The following PDE6D variants were observed in gnomAD, a reference collection of about 807,000 sequenced individuals.
PDE6D encodes retinal rod rhodopsin-sensitive cGMP 3',5'-cyclic phosphodiesterase subunit delta.
A neutral mutation model predicts 21.9 loss-of-function variants in PDE6D; 10 were observed. The observed-to-expected ratio is 0.46, with a 90% confidence interval of 0.28 to 0.78. The LOEUF (loss-of-function observed/expected upper bound fraction) is 0.78, where lower values mean the gene tolerates loss of function less well. Among genes scored for constraint, PDE6D ranks in the 30% least tolerant of loss-of-function variants. PDE6D has a pLI of 0.12. For synonymous variants in PDE6D, 59 were observed against 63.5 expected (o/e 0.93, Z 0.34); for missense variants, 139 against 184.8 (o/e 0.75, Z 1.44).
chr2:231,741,579 G>A (rs907176798), intron 1 of PDE6D, among the ~76,000 whole-genome samples: 1 of 152,154 alleles, frequency 6.6e-6, no homozygotes. Flanking sequence ...ACAAAGCTCA[G>A]GAAGAGATTT....
intron 1 of PDE6D, among the ~76,000 whole-genome samples, chr2:231,776,841 T>C (rs2049061612): frequency 6.6e-6 from 1 of 152,214 alleles, no homozygotes; most frequent in Non-Finnish European, 1.5e-5. Flanking sequence ...CAAGTAACAT[T>C]TCATTCATAA....
intron 1 of PDE6D, among the ~76,000 whole-genome samples, chr2:231,748,480 A>T (rs1419464393): frequency 6.6e-6 from 1 of 152,214 alleles, no homozygotes; most frequent in Non-Finnish European, 1.5e-5. Context: ...TCAGTTTTAT[A>T]AGGAAAGCAG....
intron 1 of PDE6D, among the ~76,000 whole-genome samples, chr2:231,768,190 T>C (rs534447301): frequency 9.8e-4 from 150 of 152,298 alleles, no homozygotes; most frequent in African/African-American, 3.5e-3. Context: ...TAAGGTATCA[T>C]GGGACTCTCA....
At chr2:231,737,560 A>G (rs1425886738) in intron 3 of PDE6D, 1 of 377,558 alleles carries the variant, frequency 2.6e-6, no homozygotes. Context: ...ATTTTCTTAG[A>G]GGTAGGCTAG....
chr2:231,769,895 T>A lies in PDE6D; in HGVS notation c.50+11170A>T, dbSNP rs181934926. On this transcript the variant is annotated intron_variant, in intron 1 of 4. Coordinates refer to ENST00000287600, the MANE Select transcript of PDE6D (RefSeq NM_002601.4). ...ACACTCTGTAACAGGAACCCTCGAGTTGGTTCTATAAGCTACCCACAATAT... is the reference window on the plus strand; with the variant it reads ...ACACTCTGTAACAGGAACCCTCGAGATGGTTCTATAAGCTACCCACAATAT... Among the ~76,000 whole-genome samples the A allele has an allele frequency of 2.2e-3, 328 of 152,178 alleles. 2 individuals are homozygous for A. Among genetic ancestry groups the A allele is most frequent in the Non-Finnish European group, 3.2e-3 (215 of 67,984 alleles).
At chr2:231,740,167 G>A (rs1045491434) in intron 1 of PDE6D, among the ~76,000 whole-genome samples, 1 of 152,210 alleles carries the variant, frequency 6.6e-6, no homozygotes, top group South Asian at 2.1e-4. Flanking sequence ...CTGGTTAACT[G>A]ATGTTCTCTG....
At chr2:231,768,932 G>A (rs962497278) in intron 1 of PDE6D, among the ~76,000 whole-genome samples, 1 of 151,798 alleles carries the variant, frequency 6.6e-6, no homozygotes, top group Non-Finnish European at 1.5e-5. Flanking sequence ...GCAATGGCAC[G>A]ATCTCACCTC....
intron 1 of PDE6D, among the ~76,000 whole-genome samples, chr2:231,757,117 C>T (rs1043160807): frequency 4.6e-5 from 7 of 151,854 alleles, no homozygotes; most frequent in African/African-American, 1.7e-4. Context: ...TGCCACCACA[C>T]CTGGCTAATT....
chr2:231,748,877 G>A (rs367612681), intron 1 of PDE6D, among the ~76,000 whole-genome samples: 1 of 152,238 alleles, frequency 6.6e-6, no homozygotes, highest in Non-Finnish European at 1.5e-5. Flanking sequence ...CGGGTGCACA[G>A]AAGTCAAGAA....
chr2:231,744,874 A>G (rs2048781461), intron 1 of PDE6D, among the ~76,000 whole-genome samples: 1 of 152,176 alleles, frequency 6.6e-6, no homozygotes, highest in Non-Finnish European at 1.5e-5. Flanking sequence ...TATCATGTGC[A>G]TCATTTTATA....
chr2:231,762,866 A>G (rs963411357), intron 1 of PDE6D, among the ~76,000 whole-genome samples: 12 of 152,106 alleles, frequency 7.9e-5, no homozygotes, highest in African/African-American at 2.7e-4. Context: ...TGGGAGGCCA[A>G]GCCGGGAGGA....
At position 231,732,829 on chromosome 2, in the gene PDE6D, G is replaced by C; in HGVS notation, c.*123C>G. 2 of 693,196 alleles carry C rather than the reference G, an allele frequency of 2.9e-6. No individual in the cohort carries two copies. The highest frequency in any genetic ancestry group is 5.2e-6 in the Non-Finnish European group (2 of 386,034). The allele number at this position is 693,196 out of a possible 1,614,324, so 42.9% of individuals were successfully genotyped here. A position where few individuals can be genotyped will look rare whatever the true frequency, so the allele number is the denominator to read the frequency against. On this transcript the variant is annotated 3_prime_UTR_variant, in exon 5 of 5. Coordinates refer to ENST00000287600, the MANE Select transcript of PDE6D (RefSeq NM_002601.4). Reference sequence around the variant, plus strand: ...CTGGTCCCCTGGTGGCTGCAGGTAGGTTCTGCTGTTGAGGGAATTAGGGGT... The same window carrying C: ...CTGGTCCCCTGGTGGCTGCAGGTAGCTTCTGCTGTTGAGGGAATTAGGGGT...
At chr2:231,748,820 G>A (rs1002245091) in intron 1 of PDE6D, among the ~76,000 whole-genome samples, 1 of 152,252 alleles carries the variant, frequency 6.6e-6, no homozygotes, top group Non-Finnish European at 1.5e-5. Flanking sequence ...TGGCTTCAGA[G>A]GGTGGAGGAC....
At chr2:231,778,484 A>C (rs924378376) in intron 1 of PDE6D, among the ~76,000 whole-genome samples, 13 of 152,218 alleles carry the variant, frequency 8.5e-5, no homozygotes, top group Admixed American at 5.2e-4. Flanking sequence ...AGAAATGGCC[A>C]AATAGAAGAG....
intron 1 of PDE6D, among the ~76,000 whole-genome samples, chr2:231,754,231 C>T (rs1037759328): frequency 6.6e-6 from 1 of 152,134 alleles, no homozygotes; most frequent in African/African-American, 2.4e-5. Context: ...ACAAGTGCCC[C>T]AGATGTACCA....
chr2:231,732,462 T>C lies in PDE6D; in HGVS notation c.*490A>G, dbSNP rs1490679056. On this transcript the variant is annotated 3_prime_UTR_variant, in exon 5 of 5. Coordinates refer to ENST00000287600, the MANE Select transcript of PDE6D (RefSeq NM_002601.4). ...GACTGTAGGAATATTTTAATTCATATTTTTAATTACATTATGTAATAATAT... is the reference window on the plus strand; with the variant it reads ...GACTGTAGGAATATTTTAATTCATACTTTTAATTACATTATGTAATAATAT... 1 of 152,316 alleles carries C rather than the reference T, an allele frequency of 6.6e-6. No homozygotes were observed. The highest frequency in any genetic ancestry group is 1.5e-5 in the Non-Finnish European group (1 of 68,126). 9.4% of individuals were successfully genotyped at this position (152,316 alleles called of 1,614,324 possible).
At chr2:231,755,046 A>G (rs369196837) in intron 1 of PDE6D, among the ~76,000 whole-genome samples, 39 of 152,286 alleles carry the variant, frequency 2.6e-4, no homozygotes, top group African/African-American at 7.7e-4. Context: ...TCAGTGACCT[A>G]CAAAAGGGAC....
At position 231,753,596 on chromosome 2, in the gene PDE6D, AAAAT is replaced by A. The variant is rs925505517; in HGVS notation, c.51-14412_51-14409del. On this transcript the variant is annotated intron_variant, in intron 1 of 4. Transcript: ENST00000287600. ...ATAAAAATAAATAAACAAACAAATA[AAAAT>A]AAATAAATAATAAAAGATAAAAATA... 1.3e-4 allele frequency among the ~76,000 whole-genome samples: 19 copies of A among 151,368 alleles called. No individual in the cohort carries two copies. In the South Asian group the frequency reaches 1.7e-3, roughly 13 times the overall value.
intron 1 of PDE6D, among the ~76,000 whole-genome samples, chr2:231,742,397 A>G (rs926166804): frequency 6.6e-6 from 1 of 152,236 alleles, no homozygotes; most frequent in Non-Finnish European, 1.5e-5. Context: ...TGCTGCGATT[A>G]CAGGTGTGAG....
Sources: allele counts gnomAD v4.1 joint callset (sites outside exome capture counted in the v4.1 genomes callset), GRCh38; gene constraint gnomAD v4.1.1; transcripts MANE v1.5; gene names NCBI Gene and HGNC (gene_info 2026-07-23, HGNC 2026-07-21).